ANO6: variants seen among roughly 807,000 people sequenced by gnomAD.
ANO6 encodes the protein anoctamin-6.
Under a neutral mutation model 117.5 loss-of-function variants are expected in ANO6, and 106 were observed. The ratio of observed to expected loss-of-function variants is 0.90; its 90% confidence interval spans 0.77 to 1.06. The LOEUF (loss-of-function observed/expected upper bound fraction) is 1.06. ANO6 is among the 50% of genes least tolerant of loss of function. The probability of loss-of-function intolerance (pLI) is 0.00; values close to 1 mark genes in which losing one functional copy is unlikely to be tolerated. For missense variants in ANO6, 955 were observed against 1,121.1 expected, an observed-to-expected ratio of 0.85 and a Z score of 2.12; for synonymous variants, 367 against 385.1, an observed-to-expected ratio of 0.95 and a Z score of 0.55.
rs567906117 is a variant in ANO6, at chr12:45,380,936, C to T, written c.1165+2823C>T. The stretch of plus-strand genomic sequence containing the variant: ...GAGCCGAGATCACACTACTGCACTC[C>T]AGCCTGAGCGACAGAGTAAGACTCC... On this transcript the variant is annotated intron_variant, in intron 10 of 19. Coordinates refer to ENST00000320560, the MANE Select transcript of ANO6 (RefSeq NM_001025356.3). 3.3e-5 allele frequency among the ~76,000 whole-genome samples: 5 copies of T among 152,234 alleles called. 1 individual carries two copies. In the South Asian group the frequency reaches 1.0e-3, roughly 32 times the overall value.
intron 1 of ANO6, among the ~76,000 whole-genome samples, chr12:45,280,571 A>G (rs973371887): frequency 1.3e-5 from 2 of 152,206 alleles, no homozygotes; most frequent in Non-Finnish European, 2.9e-5. Context: ...TGGGACAGGA[A>G]GCCAAAAAGA....
At position 45,403,504 on chromosome 12, in the gene ANO6, A is replaced by G; in HGVS notation, c.1848A>G (p.Ala616=). 6.2e-7 allele frequency: 1 copy of G among 1,613,704 alleles called. No individual in the cohort carries two copies. The stretch of plus-strand genomic sequence containing the variant: ...TGACAATAATCATGGGAGGAAAAGC[A>G]ATCTGGAATAACATACAAGAAGTAT... ...TQLTIIMGGK[A]IWNNIQEVLL... The change falls in exon 15 of 20, where the codon GCA becomes GCG. Residue 616 remains alanine, a synonymous_variant. Coordinates refer to ENST00000320560, the MANE Select transcript of ANO6 (RefSeq NM_001025356.3).
At chr12:45,243,981 C>T (rs1208024348) in intron 1 of ANO6, among the ~76,000 whole-genome samples, 1 of 152,200 alleles carries the variant, frequency 6.6e-6, no homozygotes, top group African/African-American at 2.4e-5. Flanking sequence ...CTCATTTTCT[C>T]ATGGTAACAG....
intron 1 of ANO6, among the ~76,000 whole-genome samples, chr12:45,248,247 G>A (rs1947853384): frequency 6.6e-6 from 1 of 152,076 alleles, no homozygotes; most frequent in Non-Finnish European, 1.5e-5. Flanking sequence ...TCTTACAAGA[G>A]TCATATAAAA....
intron 15 of ANO6, among the ~76,000 whole-genome samples, chr12:45,404,513 G>T (rs1425880061): frequency 6.6e-6 from 1 of 152,136 alleles, no homozygotes; most frequent in Non-Finnish European, 1.5e-5. Context: ...GTGGGGCTGT[G>T]TTCATTTCCA....
At chr12:45,416,964 A>G (rs1943230116) in intron 17 of ANO6, 60 bp downstream of exon 17, 5 of 1,533,086 alleles carry the variant, frequency 3.3e-6, no homozygotes, top group East Asian at 2.3e-5. Flanking sequence ...TTTGCTACCT[A>G]AGGAATCAAA....
At chr12:45,324,763 A>G (rs1291621996) in intron 2 of ANO6, among the ~76,000 whole-genome samples, 1 of 152,204 alleles carries the variant, frequency 6.6e-6, no homozygotes. Context: ...AGAACCTAGT[A>G]AAGAACCCAA....
chr12:45,255,816 G>GTTTTT (rs1937795180), intron 1 of ANO6, among the ~76,000 whole-genome samples: 1 of 100,226 alleles, frequency 1.0e-5, no homozygotes, highest in East Asian at 4.0e-4. Flanking sequence ...TTCTCCCTGG[G>GTTTTT]TGTTTTTTTT....
Position 45,388,168 on chromosome 12 carries a change from GT to G in ANO6, c.1178del (p.Leu393TrpfsTer37). ...CTTCTGTCTCTCTGTTAGTTACCTT[GT>G]TTTTGGAGTTTTGGAAGCGACGCCA... ...AVFMGVWVTL[F>X]LEFWKRRQAE... On this transcript the variant is annotated frameshift_variant, in exon 11 of 20. Transcript: ENST00000320560. LOFTEE classifies it high-confidence loss of function. 1 of 1,613,896 alleles carries G rather than the reference GT, an allele frequency of 6.2e-7. No individual in the cohort carries two copies. The highest frequency in any genetic ancestry group is 8.5e-7 in the Non-Finnish European group (1 of 1,179,846).
intron 1 of ANO6, among the ~76,000 whole-genome samples, chr12:45,227,633 T>A (rs1947505047): frequency 6.6e-6 from 1 of 152,132 alleles, no homozygotes; most frequent in South Asian, 2.1e-4. Context: ...CTTTTTTTTT[T>A]AGATAAAACT....
At chr12:45,363,298 T>C (rs1941601785) in intron 8 of ANO6, among the ~76,000 whole-genome samples, 1 of 152,176 alleles carries the variant, frequency 6.6e-6, no homozygotes. Flanking sequence ...GTGCGGTGGC[T>C]CACGCCTGTA....
intron 1 of ANO6, among the ~76,000 whole-genome samples, chr12:45,219,698 A>T (rs1947368047): frequency 6.6e-6 from 1 of 152,134 alleles, no homozygotes; most frequent in African/African-American, 2.4e-5. Context: ...TGATCTGGAG[A>T]ATCAAGGATA....
chr12:45,405,488 TC>T (rs1182608905), intron 15 of ANO6, among the ~76,000 whole-genome samples: 7 of 152,226 alleles, frequency 4.6e-5, no homozygotes, highest in Admixed American at 2.6e-4. Context: ...TTCAAATTTC[TC>T]CCCCTATGTT....
rs1215594790 is a variant in ANO6 at position 45,324,024 on chromosome 12, G to A, written c.151-7271G>A. Among the ~76,000 whole-genome samples, 5 of 142,048 alleles carry A rather than the reference G, an allele frequency of 3.5e-5. 1 individual carries two copies. The South Asian group carries it at 7.0e-4, about 20-fold the overall frequency. 93.2% of individuals were successfully genotyped at this position (142,048 alleles called of 152,430 possible). The stretch of plus-strand genomic sequence containing the variant: ...ACGATCTTGGCTCACTGCAACCTCC[G>A]CCTCCCAGGTTCAAGCAATTCTCCT... On this transcript the variant is annotated intron_variant, in intron 2 of 19. Transcript: ENST00000320560.
chr12:45,353,182 A>T (rs922526465), intron 7 of ANO6, among the ~76,000 whole-genome samples: 10 of 152,178 alleles, frequency 6.6e-5, no homozygotes, highest in Non-Finnish European at 1.0e-4. Flanking sequence ...GCTATCAACG[A>T]TCATTACTTA....
At chr12:45,401,161 G>A (rs1942776551) in intron 12 of ANO6, among the ~76,000 whole-genome samples, 1 of 152,154 alleles carries the variant, frequency 6.6e-6, no homozygotes, top group Admixed American at 6.5e-5. Context: ...GCAGAGACCT[G>A]CTGCCAGTAC....
intron 3 of ANO6, among the ~76,000 whole-genome samples, chr12:45,342,939 AC>A (rs771268337): frequency 6.6e-6 from 1 of 152,154 alleles, no homozygotes; most frequent in Non-Finnish European, 1.5e-5. Flanking sequence ...GAAAGGATAG[AC>A]TTCTGACACC....
intron 1 of ANO6, among the ~76,000 whole-genome samples, chr12:45,297,306 A>G (rs1183474257): frequency 1.3e-5 from 2 of 152,228 alleles, no homozygotes; most frequent in Non-Finnish European, 2.9e-5. Context: ...AATTCTGATT[A>G]TCTTTATTCC....
intron 9 of ANO6, among the ~76,000 whole-genome samples, chr12:45,375,613 C>A (rs1227879811): frequency 1.3e-5 from 2 of 152,224 alleles, no homozygotes; most frequent in African/African-American, 4.8e-5. Context: ...GAAAGGATTC[C>A]CTATTTAATA....
Sources: allele counts gnomAD v4.1 joint callset (sites outside exome capture counted in the v4.1 genomes callset), GRCh38; gene constraint gnomAD v4.1.1; transcripts MANE v1.5; gene names NCBI Gene and HGNC (gene_info 2026-07-23, HGNC 2026-07-21).